XKRX: variants seen among roughly 807,000 people sequenced by gnomAD.
The protein encoded by XKRX is XK-related protein 2.
In XKRX, 11 loss-of-function variants were observed where a neutral mutation model predicts 22.4. The ratio of observed to expected loss-of-function variants is 0.49; its 90% CI spans 0.31 to 0.81. The LOEUF is 0.81. Among genes scored for constraint, XKRX ranks in the 40% least tolerant of loss-of-function variants. The probability of loss-of-function intolerance (pLI) is 0.05; values close to 1 mark genes in which losing one functional copy is unlikely to be tolerated. For synonymous variants in XKRX, 114 were observed against 132.2 expected, an observed-to-expected ratio of 0.86 and a Z score of 0.94; for missense variants, 320 against 336.5, an observed-to-expected ratio of 0.95 and a Z score of 0.38.
intron 2 of XKRX, among the ~76,000 whole-genome samples, chrX:100,922,515 T>G (rs1159838799): frequency 1.8e-5 from 2 of 111,958 alleles, no homozygotes; most frequent in Non-Finnish European, 3.8e-5. Context: ...GATGTCTGAC[T>G]CCACAAGTTA....
In XKRX at chrX:100,917,660, A is replaced by AG. The variant is rs1224337933; in HGVS notation, c.605-2578dup. Among the ~76,000 whole-genome samples the AG allele has an allele frequency of 1.3e-3, 72 of 56,709 alleles. 1 individual carries two copies. The highest frequency in any genetic ancestry group is 6.3e-3 in the African/African-American group (71 of 11,236). 49.2% of individuals were successfully genotyped at this position (56,709 alleles called of 115,157 possible). On this transcript the variant is annotated intron_variant, in intron 2 of 2. Coordinates refer to ENST00000372956, the MANE Select transcript of XKRX (RefSeq NM_212559.3). ...AAGAAAGAAAGAAAGAAAGAAAGAA[A>AG]GAAAGAAAGAAAGAAAAGAAAGAAA...
At chrX:100,951,412 AAAATT>A in the XKRX span, among the ~76,000 whole-genome samples, 28 of 89,677 alleles carry the variant, frequency 3.1e-4, no homozygotes, top group African/African-American at 9.9e-4. Flanking sequence ...TCTAAAATTA[AAAATT>A]AAATTAAATT....
At chrX:100,947,904 A>ATT in the XKRX span, among the ~76,000 whole-genome samples, 1 of 102,456 alleles carries the variant, frequency 9.8e-6, no homozygotes. Flanking sequence ...TAATACATGA[A>ATT]TTTTTTTTTT....
downstream of XKRX, among the ~76,000 whole-genome samples, chrX:100,909,800 G>C (rs2085400388): frequency 9.4e-6 from 1 of 105,902 alleles, no homozygotes. Flanking sequence ...CTACTTGGGA[G>C]GCTGAGGCGG....
upstream of XKRX, among the ~76,000 whole-genome samples, chrX:100,931,673 G>A (rs746778788): frequency 4.5e-5 from 5 of 111,606 alleles, no homozygotes; most frequent in East Asian, 1.4e-3. Context: ...AGTGAGGGAA[G>A]GATGCTCAAT....
At chrX:100,923,379 C>G (rs183143123) in intron 1 of XKRX, among the ~76,000 whole-genome samples, 1 of 111,932 alleles carries the variant, frequency 8.9e-6, no homozygotes, top group East Asian at 2.8e-4. Context: ...AACTCCTGGG[C>G]TCAAGCAATC....
the XKRX span, among the ~76,000 whole-genome samples, chrX:100,954,128 C>G: frequency 9.1e-6 from 1 of 110,026 alleles, no homozygotes; most frequent in South Asian, 3.9e-4. Context: ...TTGCTAAAAT[C>G]AAAATGACAG....
chrX:100,897,591 ATATGTGTG>A, the XKRX span, among the ~76,000 whole-genome samples: 3 of 40,171 alleles, frequency 7.5e-5, no homozygotes, highest in Non-Finnish European at 1.3e-4. Context: ...ACAAATATAT[ATATGTGTG>A]TGTGTGTGTG....
the XKRX span, among the ~76,000 whole-genome samples, chrX:100,938,620 C>T: frequency 9.0e-6 from 1 of 111,088 alleles, no homozygotes; most frequent in Non-Finnish European, 1.9e-5. Context: ...CAGAGCAAGA[C>T]TCTGTCTCAA....
rs911187266 is a variant in XKRX at position 100,915,388 on chromosome X, T to TA, written c.605-306dup. Among the ~76,000 whole-genome samples the TA allele has an allele frequency of 6.3e-3, 650 of 103,909 alleles. 6 individuals carry two copies. The highest frequency in any genetic ancestry group is 0.02 in the African/African-American group (577 of 28,708). 90.2% of individuals were successfully genotyped at this position (103,909 alleles called of 115,157 possible). A position where few individuals can be genotyped will look rare whatever the true frequency, so the allele number is the denominator to read the frequency against. ...TCACACCTGTTAGAATGGCTATTAT[T>TA]AAAAAAAAAAAGTGTTGGTGGGGAT... On this transcript the variant is annotated intron_variant, in intron 2 of 2. Coordinates refer to ENST00000372956, the MANE Select transcript of XKRX (RefSeq NM_212559.3).
rs2085505947 is a variant in XKRX, at chrX:100,928,138, C to T, written c.167G>A (p.Arg56Lys). ...GEAASALYMV[R>K]IYRKNSETYW... ...AGTTTCACTATTCTTTCGATAGATT[C>T]TAACCATGTACAAAGCAGATGCAGC... Residue 56 changes from arginine (R) to lysine (K), a missense_variant, in exon 1 of 3, where the codon AGA becomes AAA. Arg to Lys is a conservative substitution (Grantham distance 26, BLOSUM62 2). Transcript: ENST00000372956. 8.3e-7 allele frequency: 1 copy of T among 1,209,793 alleles called. No individual in the cohort carries two copies. Among genetic ancestry groups the T allele is most frequent in the East Asian group, 3.0e-5 (1 of 33,754 alleles).
chrX:100,930,537 G>T (rs2085518095), upstream of XKRX, among the ~76,000 whole-genome samples: 2 of 110,672 alleles, frequency 1.8e-5, no homozygotes, highest in Admixed American at 1.9e-4. Flanking sequence ...ACATCTAAAG[G>T]TTGTCACCTT....
At chrX:100,931,760 C>G (rs1382496909), upstream of XKRX, among the ~76,000 whole-genome samples, 1 of 110,700 alleles carries the variant, frequency 9.0e-6, no homozygotes, top group African/African-American at 3.3e-5. Flanking sequence ...CTCCCCCATA[C>G]TTCCTCCTTG....
the XKRX span, among the ~76,000 whole-genome samples, chrX:100,887,341 C>T: frequency 1.8e-5 from 2 of 111,061 alleles, no homozygotes; most frequent in Admixed American, 9.6e-5. Flanking sequence ...CAGACTATTA[C>T]ATTTAGCAAT....
At chrX:100,923,083 C>A (rs888509123) in intron 1 of XKRX, 22 bp from the exon 2 acceptor site, 15 of 1,206,574 alleles carry the variant, frequency 1.2e-5, no homozygotes, top group Non-Finnish European at 1.6e-5. Context: ...AAGCATCATG[C>A]AAACTTAACT....
chrX:100,915,947 A>T, intron 2 of XKRX, among the ~76,000 whole-genome samples: 1 of 110,825 alleles, frequency 9.0e-6, no homozygotes. Flanking sequence ...AAGGATTTTG[A>T]TCAAAGGCTA....
the XKRX span, among the ~76,000 whole-genome samples, chrX:100,945,411 G>A: frequency 6.2e-5 from 7 of 112,346 alleles, no homozygotes; most frequent in East Asian, 2.0e-3. Flanking sequence ...GAGCTACCAT[G>A]TCCAGCCCTG....
chrX:100,891,027 C>T, the XKRX span, among the ~76,000 whole-genome samples: 1 of 111,643 alleles, frequency 9.0e-6, no homozygotes, highest in African/African-American at 3.3e-5. Context: ...TATTTTTATT[C>T]ATTTCTAATT....
At chrX:100,958,731 G>A in the XKRX span, among the ~76,000 whole-genome samples, 1 of 111,794 alleles carries the variant, frequency 8.9e-6, no homozygotes, top group South Asian at 3.7e-4. Flanking sequence ...AGATAGGACT[G>A]CACTATGTGT....
Sources: allele counts gnomAD v4.1 joint callset (sites outside exome capture counted in the v4.1 genomes callset), GRCh38; gene constraint gnomAD v4.1.1; transcripts MANE v1.5; gene names NCBI Gene and HGNC (gene_info 2026-07-23, HGNC 2026-07-21).